The following CEP162 variants were observed in gnomAD, a reference collection of about 807,000 sequenced individuals.
The protein encoded by CEP162 is centrosomal protein 162, also known as centrosomal protein of 162 kDa.
CEP162 carries 141 observed loss-of-function variants against 169.2 expected under a neutral mutation model. The observed-to-expected ratio is 0.83, with a 90% CI of 0.73 to 0.96. The LOEUF (loss-of-function observed/expected upper bound fraction) is 0.96. CEP162 is among the 40% of genes least tolerant of loss of function. The probability of loss-of-function intolerance (pLI) is 0.00; values close to 1 mark genes in which losing one functional copy is unlikely to be tolerated. For missense variants in CEP162, 1,600 were observed against 1,587.2 expected, an observed-to-expected ratio of 1.01 and a Z score of -0.14; for synonymous variants, 540 against 526.4, an observed-to-expected ratio of 1.03 and a Z score of -0.35.
intron 25 of CEP162, among the ~76,000 whole-genome samples, chr6:84,140,855 C>T (rs754970175): frequency 4.6e-5 from 7 of 152,128 alleles, no homozygotes; most frequent in Non-Finnish European, 8.8e-5. Flanking sequence ...AAATAGCTTA[C>T]TGGTCTAGAG....
chr6:84,125,080 G>A lies in CEP162; in HGVS notation c.4202C>T (p.Pro1401Leu). Residue 1401 changes from proline (P) to leucine (L), a missense_variant, in exon 27 of 27, where the codon CCA becomes CTA. Physicochemically the swap from Pro to Leu is moderately conservative, Grantham distance 98 (BLOSUM62 -3). Transcript: ENST00000403245. ...AAATCTGAATTTCTATTAATACTCT[G>A]GTGCATTCATTTCATCTGCAAAAGC... ...PVAFADEMNAPEY is the reference protein window; with the variant it reads ...PVAFADEMNALEY 1.2e-6 allele frequency: 2 copies of A among 1,610,564 alleles called. No homozygotes were observed. The highest frequency in any genetic ancestry group is 2.2e-5 in the South Asian group (2 of 90,746).
chr6:84,156,072 C>G (rs1309529066), intron 21 of CEP162, among the ~76,000 whole-genome samples: 2 of 151,398 alleles, frequency 1.3e-5, no homozygotes, highest in East Asian at 3.9e-4. Flanking sequence ...AAAAATTAAG[C>G]CACATGCCTA....
rs2099551358 is a variant in CEP162 at position 84,215,883 on chromosome 6, T to G, written c.212A>C (p.Lys71Thr). ...TATTTCCATAACAGGCTGAGAAGTC[T>G]TCTTTGTTTTCAAATAGCTCACATT... ...GTNVSYLKTK[K>T]TSQPVMEIEE... The change falls in exon 4 of 27, where the codon AAG (lysine) becomes ACG (threonine). Residue 71 changes from lysine to threonine, a missense_variant. By Grantham distance (78) the Lys-to-Thr change is moderately conservative (BLOSUM62 -1). Transcript: ENST00000403245. The G allele has an allele frequency of 2.5e-6, 4 of 1,576,868 alleles. No homozygotes were observed. Among genetic ancestry groups the G allele is most frequent in the East Asian group, 2.3e-5 (1 of 43,894 alleles).
At chr6:84,178,022 A>C (rs2099533103) in intron 13 of CEP162, among the ~76,000 whole-genome samples, 1 of 152,212 alleles carries the variant, frequency 6.6e-6, no homozygotes, top group African/African-American at 2.4e-5. Flanking sequence ...GCATTATTTT[A>C]TTATGATATA....
At chr6:84,160,345 A>C (rs1165484292) in intron 21 of CEP162, among the ~76,000 whole-genome samples, 1 of 152,154 alleles carries the variant, frequency 6.6e-6, no homozygotes, top group African/African-American at 2.4e-5. Flanking sequence ...CTAAGCCTGA[A>C]TGGTAAGAAA....
At chr6:84,126,812 C>A (rs1315890428) in intron 25 of CEP162, among the ~76,000 whole-genome samples, 1 of 152,000 alleles carries the variant, frequency 6.6e-6, no homozygotes, top group Non-Finnish European at 1.5e-5. Context: ...TTAAGTTTCA[C>A]TACAAGGTAT....
chr6:84,124,320 CCAA>C lies in CEP162; in HGVS notation c.*747_*749del. 1 of 151,730 alleles carries C rather than the reference CCAA, an allele frequency of 6.6e-6. No homozygotes were observed. The highest frequency in any genetic ancestry group is 1.5e-5 in the Non-Finnish European group (1 of 67,940). 9.4% of individuals were successfully genotyped at this position (151,730 alleles called of 1,614,324 possible). On this transcript the variant is annotated 3_prime_UTR_variant, in exon 27 of 27. Transcript: ENST00000403245. ...TTCATGGAACCAACCTAAGTATCTA[CCAA>C]CAATTGACTGGATAAAGAAAACGTG...
chr6:84,152,684 A>C lies in CEP162; in HGVS notation c.3490T>G (p.Phe1164Val). 3.1e-6 allele frequency: 5 copies of C among 1,612,588 alleles called. No homozygotes were observed. The South Asian group carries it at 5.5e-5, about 18-fold the overall frequency. The change falls in exon 23 of 27, where the codon TTC becomes GTC. Residue 1164 changes from phenylalanine to valine, a missense_variant. Physicochemically the swap from Phe to Val is conservative, Grantham distance 50. Transcript: ENST00000403245. ...LDSKLYQPHTFTDSHVSEVLQ... is the reference protein window; with the variant it reads ...LDSKLYQPHTVTDSHVSEVLQ... ...ACTTCTGAAACATGGGAATCAGTGAAAGTATGTGGTTGGTACAGCTTGCTG... is the reference window on the plus strand; with the variant it reads ...ACTTCTGAAACATGGGAATCAGTGACAGTATGTGGTTGGTACAGCTTGCTG...
At chr6:84,191,270 AC>A (rs2099539775) in intron 11 of CEP162, among the ~76,000 whole-genome samples, 1 of 152,234 alleles carries the variant, frequency 6.6e-6, no homozygotes, top group Admixed American at 6.5e-5. Context: ...ATACCCCTCA[AC>A]CTAAAATTCA....
chr6:84,227,447 G>A (rs1448095692), intron 1 of CEP162, 133 bp downstream of exon 1: 2 of 152,254 alleles, frequency 1.3e-5, no homozygotes, highest in African/African-American at 4.8e-5. Context: ...GGAAGACAAA[G>A]ACGCATTTGC....
At chr6:84,137,933 A>G (rs1197802929) in intron 25 of CEP162, among the ~76,000 whole-genome samples, 2 of 152,212 alleles carry the variant, frequency 1.3e-5, no homozygotes, top group Admixed American at 6.5e-5. Context: ...ATTTTAAAAG[A>G]TGTGCTTGAA....
chr6:84,208,017 T>C (rs1340392897), intron 6 of CEP162, among the ~76,000 whole-genome samples: 2 of 145,866 alleles, frequency 1.4e-5, no homozygotes, highest in African/African-American at 5.5e-5. Flanking sequence ...TCAGGTTGAT[T>C]GATTTTTTTT....
In CEP162 at chr6:84,154,354, G is replaced by A. The variant is rs188447310; in HGVS notation, c.2994+944C>T. Among the ~76,000 whole-genome samples, 1,060 of 150,182 alleles carry A rather than the reference G, an allele frequency of 7.1e-3. 8 individuals carry two copies. The highest frequency in any genetic ancestry group is 0.025 in the African/African-American group (1,012 of 40,140). On this transcript the variant is annotated intron_variant, in intron 22 of 26. Transcript: ENST00000403245. ...TATCTGTCTGTCTGTCTGTCTGTCT[G>A]TCTGTCTATCTATCTATCTATCTAC...
At chr6:84,225,640 G>A (rs2099555412) in intron 2 of CEP162, among the ~76,000 whole-genome samples, 1 of 151,386 alleles carries the variant, frequency 6.6e-6, no homozygotes, top group South Asian at 2.1e-4. Flanking sequence ...TGAACGTAGA[G>A]TCATCACATT....
chr6:84,174,446 A>G (rs1217092032), intron 15 of CEP162, among the ~76,000 whole-genome samples: 1 of 152,106 alleles, frequency 6.6e-6, no homozygotes, highest in African/African-American at 2.4e-5. Context: ...TCAAACTTTC[A>G]TTTCTTTGAA....
At chr6:84,177,827 G>A (rs1399588121) in intron 13 of CEP162, among the ~76,000 whole-genome samples, 1 of 152,168 alleles carries the variant, frequency 6.6e-6, no homozygotes, top group East Asian at 1.9e-4. Flanking sequence ...GTGAGTCACT[G>A]TGCCTGGCCT....
At chr6:84,153,911 G>C (rs2099522074) in intron 22 of CEP162, among the ~76,000 whole-genome samples, 1 of 152,170 alleles carries the variant, frequency 6.6e-6, no homozygotes, top group Non-Finnish European at 1.5e-5. Flanking sequence ...TGAGTGCAGA[G>C]GAGGCGACGC....
chr6:84,129,481 C>T (rs1038871593), intron 25 of CEP162, among the ~76,000 whole-genome samples: 1 of 152,164 alleles, frequency 6.6e-6, no homozygotes, highest in Non-Finnish European at 1.5e-5. Context: ...GCATAAATGT[C>T]TTCTTTTGAA....
chr6:84,136,964 T>C (rs544732120), intron 25 of CEP162, among the ~76,000 whole-genome samples: 1 of 152,284 alleles, frequency 6.6e-6, no homozygotes, highest in Non-Finnish European at 1.5e-5. Flanking sequence ...AGGAAGACAG[T>C]TTTGGGCTCT....
Sources: allele counts gnomAD v4.1 joint callset (sites outside exome capture counted in the v4.1 genomes callset), GRCh38; gene constraint gnomAD v4.1.1; transcripts MANE v1.5; gene names NCBI Gene and HGNC (gene_info 2026-07-23, HGNC 2026-07-21).